KCNJ15: variants seen among roughly 807,000 people sequenced by gnomAD.
KCNJ15 encodes the protein potassium inwardly rectifying channel subfamily J member 15.
In KCNJ15, 14 loss-of-function variants were observed where a neutral mutation model predicts 23.0. That is an observed-to-expected ratio of 0.61 (90% CI 0.40 to 0.95). KCNJ15 has a LOEUF of 0.95. Ranked by LOEUF, KCNJ15 falls within the 40% of genes least tolerant of loss-of-function variation. The pLI is 0.00. For missense variants in KCNJ15, 388 were observed against 461.8 expected (o/e 0.84, Z 1.46); for synonymous variants, 185 against 183.2 (o/e 1.01, Z -0.08).
chr21:38,299,961 A>G lies in KCNJ15; in HGVS notation c.700A>G (p.Thr234Ala). The change falls in exon 3 of 3, where the codon ACT (threonine) becomes GCT (alanine). Residue 234 changes from threonine to alanine, a missense_variant. Thr to Ala is a moderately conservative substitution (Grantham distance 58, BLOSUM62 0). Transcript: ENST00000398938. This position sits in a 1 kb window ranked among gnomAD's most constrained non-coding sequence, Gnocchi z 4.5. Reference sequence around the variant, plus strand: ...GGAGCGGATTCTCCTCAACCAAGCCACTGTCAAATTCCACGTGGACTCCTC... The same window carrying G: ...GGAGCGGATTCTCCTCAACCAAGCCGCTGTCAAATTCCACGTGGACTCCTC... ...EGERILLNQA[T>A]VKFHVDSSSE... 6.2e-7 allele frequency: 1 copy of G among 1,614,014 alleles called. No individual in the cohort carries two copies. The highest frequency in any genetic ancestry group is 2.2e-5 in the East Asian group (1 of 44,874).
At chr21:38,240,679 T>C (rs1978936746) in intron 1 of KCNJ15, among the ~76,000 whole-genome samples, 1 of 152,372 alleles carries the variant, frequency 6.6e-6, no homozygotes, top group East Asian at 1.9e-4. Flanking sequence ...AATGCTCTAT[T>C]ACATGGATTT....
Position 38,279,667 on chromosome 21 carries a change from G to T in KCNJ15, c.-116-17259G>T, listed in dbSNP as rs949087488. 2.6e-5 allele frequency among the ~76,000 whole-genome samples: 4 copies of T among 152,162 alleles called. No individual in the cohort carries two copies. In the East Asian group the frequency reaches 7.7e-4, roughly 29 times the overall value. Reference sequence around the variant, plus strand: ...GAGTAATCACCCAGCCCTCAAGGAAGTGGAAGCAAAGTATCGCTTCTGTCC... The same window carrying T: ...GAGTAATCACCCAGCCCTCAAGGAATTGGAAGCAAAGTATCGCTTCTGTCC... On this transcript the variant is annotated intron_variant, in intron 1 of 2. Coordinates refer to ENST00000398938, the MANE Select transcript of KCNJ15 (RefSeq NM_170736.3).
At chr21:38,272,924 G>T (rs743296) in intron 1 of KCNJ15, among the ~76,000 whole-genome samples, 1 of 152,074 alleles carries the variant, frequency 6.6e-6, no homozygotes, top group African/African-American at 2.4e-5. Flanking sequence ...GGGTATAAAA[G>T]TAAAATGTAG....
At chr21:38,273,598 A>C (rs1982327048) in intron 1 of KCNJ15, among the ~76,000 whole-genome samples, 2 of 152,188 alleles carry the variant, frequency 1.3e-5, no homozygotes, top group African/African-American at 4.8e-5. Flanking sequence ...GATTTCTCCC[A>C]CCAGAATTTA....
At chr21:38,295,104 G>A (rs1985006589) in intron 1 of KCNJ15, among the ~76,000 whole-genome samples, 1 of 152,110 alleles carries the variant, frequency 6.6e-6, no homozygotes, top group African/African-American at 2.4e-5. Flanking sequence ...CAGCACTTGA[G>A]GCTGCAATAT....
intron 1 of KCNJ15, among the ~76,000 whole-genome samples, chr21:38,260,111 T>A (rs867440723): frequency 6.6e-6 from 1 of 152,334 alleles, no homozygotes; most frequent in Middle Eastern, 3.4e-3. Flanking sequence ...TGACTTAGTT[T>A]CTCTCCCTCT....
At chr21:38,258,513 C>T (rs999500336) in intron 1 of KCNJ15, among the ~76,000 whole-genome samples, 1 of 152,210 alleles carries the variant, frequency 6.6e-6, no homozygotes, top group African/African-American at 2.4e-5. Context: ...CAGGGAATGG[C>T]CCAGAGGCCA....
rs1385524991 is a variant in KCNJ15 at position 38,299,313 on chromosome 21, G to GCT, written c.53_54dup (p.Gly19LeufsTer21). ...CAGCACCCCCCTGGTGAAGCACACT[G>GCT]CTGGGGCTGGGCTCAAGGCCAACAG... On this transcript the variant is annotated frameshift_variant, in exon 3 of 3. Transcript: ENST00000398938. LOFTEE classifies it high-confidence loss of function. This position sits in a 1 kb window ranked among gnomAD's most constrained non-coding sequence, Gnocchi z 4.5. 1.2e-6 allele frequency: 2 copies of GCT among 1,614,070 alleles called. No homozygotes were observed. The highest frequency in any genetic ancestry group is 1.7e-6 in the Non-Finnish European group (2 of 1,180,028).
At chr21:38,274,825 T>A (rs771101940) in intron 1 of KCNJ15, among the ~76,000 whole-genome samples, 8 of 152,172 alleles carry the variant, frequency 5.3e-5, no homozygotes, top group Non-Finnish European at 1.0e-4. Context: ...AATCCTCTCC[T>A]CTTCTCTTTA....
intron 1 of KCNJ15, among the ~76,000 whole-genome samples, chr21:38,246,210 A>G (rs938608465): frequency 1.4e-4 from 22 of 152,236 alleles, no homozygotes; most frequent in Admixed American, 7.9e-4. Flanking sequence ...CGAATCATGT[A>G]TCTAGGCTAG....
Position 38,305,532 on chromosome 21 carries a change from T to C in KCNJ15, c.*5143T>C, listed in dbSNP as rs1389183000. On this transcript the variant is annotated 3_prime_UTR_variant, in exon 3 of 3. Coordinates refer to ENST00000398938, the MANE Select transcript of KCNJ15 (RefSeq NM_170736.3). ...CGATGTCATATATGTAGGCAAAGTC[T>C]TTGTAATCTGAATATAATGCCAGAG... The C allele has an allele frequency of 6.6e-6, 1 of 152,246 alleles. No homozygotes were observed. Among genetic ancestry groups the C allele is most frequent in the African/African-American group, 2.4e-5 (1 of 41,462 alleles). The allele number at this position is 152,246 out of a possible 1,614,324, so 9.4% of individuals were successfully genotyped here.
upstream of KCNJ15, among the ~76,000 whole-genome samples, chr21:38,252,673 A>T (rs1979916697): frequency 6.6e-6 from 1 of 152,160 alleles, no homozygotes; most frequent in African/African-American, 2.4e-5. Flanking sequence ...TTTTATTTTA[A>T]TTGGGAAACT....
At chr21:38,293,890 TG>T (rs1209465245) in intron 1 of KCNJ15, among the ~76,000 whole-genome samples, 1 of 152,236 alleles carries the variant, frequency 6.6e-6, no homozygotes, top group Non-Finnish European at 1.5e-5. Context: ...TGCCCTTGGC[TG>T]GTATGGATGA....
intron 1 of KCNJ15, among the ~76,000 whole-genome samples, chr21:38,268,466 G>T (rs534653033): frequency 7.4e-6 from 1 of 136,022 alleles, no homozygotes; most frequent in African/African-American, 2.7e-5. Flanking sequence ...AATTTTCTTA[G>T]CAAAAGTCAA....
chr21:38,232,030 A>AT (rs1310898910), intron 1 of KCNJ15, among the ~76,000 whole-genome samples: 5 of 151,732 alleles, frequency 3.3e-5, no homozygotes, highest in Non-Finnish European at 7.4e-5. Context: ...TGTAATAATC[A>AT]TTTGAATAAA....
In KCNJ15 at chr21:38,301,654, T is replaced by C. The variant is rs984190689; in HGVS notation, c.*1265T>C. 1 of 167,036 alleles carries C rather than the reference T, an allele frequency of 6.0e-6. No individual in the cohort carries two copies. Among genetic ancestry groups the C allele is most frequent in the Non-Finnish European group, 1.5e-5 (1 of 68,108 alleles). 10.3% of individuals were successfully genotyped at this position (167,036 alleles called of 1,614,324 possible). A position where few individuals can be genotyped will look rare whatever the true frequency, so the allele number is the denominator to read the frequency against. On this transcript the variant is annotated 3_prime_UTR_variant, in exon 3 of 3. Coordinates refer to ENST00000398938, the MANE Select transcript of KCNJ15 (RefSeq NM_170736.3). ...AGAAACTCATAAACAAGATGACTCT[T>C]TGATGCATGAACAAGATTTGAAAAT... is the stretch of plus-strand genomic sequence containing the variant.
intron 1 of KCNJ15, among the ~76,000 whole-genome samples, chr21:38,245,027 T>G (rs1203596884): frequency 6.6e-6 from 1 of 151,988 alleles, no homozygotes; most frequent in East Asian, 1.9e-4. Flanking sequence ...TAGGGGCTAG[T>G]GACTCATTCA....
chr21:38,285,721 G>GA (rs1021197662), intron 1 of KCNJ15: 21 of 152,196 alleles, frequency 1.4e-4, no homozygotes, highest in African/African-American at 4.8e-4. Flanking sequence ...GTTCTGAGGT[G>GA]AATAAAGCCA....
chr21:38,280,003 G>A (rs959633520), intron 1 of KCNJ15, among the ~76,000 whole-genome samples: 2 of 152,120 alleles, frequency 1.3e-5, no homozygotes, highest in Admixed American at 6.5e-5. Context: ...TGGCCAACTA[G>A]GTTTAAACTG....
Sources: allele counts gnomAD v4.1 joint callset (sites outside exome capture counted in the v4.1 genomes callset), GRCh38; gene constraint gnomAD v4.1.1; non-coding constraint Gnocchi (gnomAD v3.1); transcripts MANE v1.5; gene names NCBI Gene and HGNC (gene_info 2026-07-23, HGNC 2026-07-21).